Variants in UBE2W observed in about 807,000 individuals in gnomAD.
UBE2W encodes the protein ubiquitin-conjugating enzyme E2 W.
Under a neutral mutation model 27.2 loss-of-function variants are expected in UBE2W, and 18 were observed. The ratio of observed to expected loss-of-function variants is 0.66; its 90% confidence interval spans 0.46 to 0.98. UBE2W has a LOEUF of 0.98. Ranked by LOEUF, UBE2W falls within the 50% of genes least tolerant of loss-of-function variation. The pLI, the probability that UBE2W is intolerant of heterozygous loss-of-function variation, is 0.00. For synonymous variants in UBE2W, 53 were observed against 57.2 expected (o/e 0.93, Z 0.33); for missense variants, 90 against 180.2 (o/e 0.50, Z 2.87).
chr8:73,878,702 C>G, intron 1 of UBE2W, 106 bp downstream of exon 1: 1 of 1,087,454 alleles, frequency 9.2e-7, no homozygotes, highest in Non-Finnish European at 1.4e-6. Flanking sequence ...CGGACCGATC[C>G]CGAACCCGCC....
At chr8:73,870,498 GTTT>G (rs1178420512) in intron 1 of UBE2W, among the ~76,000 whole-genome samples, 1 of 151,970 alleles carries the variant, frequency 6.6e-6, no homozygotes, top group Non-Finnish European at 1.5e-5. Context: ...GAAATAACCT[GTTT>G]TTATCATCCC....
chr8:73,844,290 GGC>G (rs1810673940), intron 1 of UBE2W, among the ~76,000 whole-genome samples: 1 of 151,958 alleles, frequency 6.6e-6, no homozygotes, highest in Admixed American at 6.6e-5. Flanking sequence ...TGGGATTGCA[GGC>G]GCGCGCCGCC....
intron 5 of UBE2W, among the ~76,000 whole-genome samples, chr8:73,796,884 A>G (rs1181503075): frequency 1.5e-5 from 1 of 66,784 alleles, no homozygotes; most frequent in Non-Finnish European, 2.8e-5. Context: ...CCCCCAACCA[A>G]AAATAAATAA....
intron 3 of UBE2W, among the ~76,000 whole-genome samples, chr8:73,814,492 A>C (rs1407837665): frequency 6.6e-6 from 1 of 152,194 alleles, no homozygotes; most frequent in Non-Finnish European, 1.5e-5. Context: ...GACCGAATGT[A>C]CATGAATCAA....
In UBE2W at chr8:73,799,758, T is replaced by C. The variant is rs563003260; in HGVS notation, c.443-5643A>G. 5.3e-5 allele frequency among the ~76,000 whole-genome samples: 8 copies of C among 152,310 alleles called. No homozygotes were observed. The South Asian group carries it at 1.7e-3, about 32-fold the overall frequency. Reference sequence around the variant, plus strand: ...GAAACTGAAATGCTAAGTGTTTCAGTGAGTTTATCCAATTCTTAGTAAGCT... The same window carrying C: ...GAAACTGAAATGCTAAGTGTTTCAGCGAGTTTATCCAATTCTTAGTAAGCT... On this transcript the variant is annotated intron_variant, in intron 5 of 5. Transcript: ENST00000602593.
chr8:73,799,335 T>C (rs1375625285), intron 5 of UBE2W, among the ~76,000 whole-genome samples: 1 of 152,026 alleles, frequency 6.6e-6, no homozygotes, highest in Non-Finnish European at 1.5e-5. Context: ...TAACTAATAA[T>C]GTAGAAAACC....
intron 1 of UBE2W, chr8:73,870,354 T>C: frequency 6.5e-7 from 1 of 1,528,988 alleles, no homozygotes; most frequent in Admixed American, 2.0e-5. Context: ...AGGAAATCTA[T>C]TTTTTCCATT....
chr8:73,799,285 A>G (rs1808542812), intron 5 of UBE2W, among the ~76,000 whole-genome samples: 1 of 152,066 alleles, frequency 6.6e-6, no homozygotes, highest in Non-Finnish European at 1.5e-5. Context: ...AGACAATAAC[A>G]GTGGGGTAAA....
intron 1 of UBE2W, among the ~76,000 whole-genome samples, chr8:73,862,562 A>C (rs1432580817): frequency 2.0e-5 from 3 of 147,894 alleles, no homozygotes; most frequent in South Asian, 4.4e-4. Context: ...GCAACAAAAG[A>C]CAAAATTGAC....
chr8:73,792,573 C>T lies in UBE2W; in HGVS notation c.*1529G>A, dbSNP rs1413614285. On this transcript the variant is annotated 3_prime_UTR_variant, in exon 6 of 6. Transcript: ENST00000602593. Reference sequence around the variant, plus strand: ...TACGTATTTCAAACCTTTCAGCCAACTGGCTTTCAGTTTTAAGCCCAAATT... The same window carrying T: ...TACGTATTTCAAACCTTTCAGCCAATTGGCTTTCAGTTTTAAGCCCAAATT... The T allele has an allele frequency of 8.1e-6, 8 of 985,598 alleles. No homozygotes were observed. Among genetic ancestry groups the T allele is most frequent in the African/African-American group, 1.7e-5 (1 of 57,230 alleles). The allele number at this position is 985,598 out of a possible 1,614,324, so 61.1% of individuals were successfully genotyped here.
chr8:73,857,560 G>A (rs1563625183), intron 1 of UBE2W, among the ~76,000 whole-genome samples: 3 of 152,150 alleles, frequency 2.0e-5, no homozygotes, highest in South Asian at 2.1e-4. Context: ...GCTCACACCT[G>A]TAATCCCAGC....
chr8:73,876,403 A>G (rs1812223288), intron 1 of UBE2W, among the ~76,000 whole-genome samples: 2 of 152,200 alleles, frequency 1.3e-5, no homozygotes, highest in Admixed American at 6.5e-5. Flanking sequence ...CTTGACATAT[A>G]TATTAAAATA....
At chr8:73,828,918 G>A (rs952272288) in intron 2 of UBE2W, among the ~76,000 whole-genome samples, 20 of 151,474 alleles carry the variant, frequency 1.3e-4, no homozygotes, top group African/African-American at 4.9e-4. Flanking sequence ...CATCATCCTC[G>A]TTATGGATCT....
At chr8:73,784,634 C>A (rs753663710), downstream of UBE2W, among the ~76,000 whole-genome samples, 1 of 152,174 alleles carries the variant, frequency 6.6e-6, no homozygotes, top group African/African-American at 2.4e-5. Flanking sequence ...AGGGACCACA[C>A]CTTAATCCAA....
intron 1 of UBE2W, among the ~76,000 whole-genome samples, chr8:73,861,582 C>T (rs897995636): frequency 1.3e-5 from 2 of 152,054 alleles, no homozygotes; most frequent in South Asian, 2.1e-4. Flanking sequence ...TGCTGAGATC[C>T]CAGGCATGAG....
At chr8:73,842,899 G>A (rs568061818) in intron 1 of UBE2W, among the ~76,000 whole-genome samples, 39 of 152,246 alleles carry the variant, frequency 2.6e-4, no homozygotes, top group Middle Eastern at 3.4e-3. Context: ...ATTCATAGCA[G>A]CATTATTCAT....
intron 5 of UBE2W, among the ~76,000 whole-genome samples, 179 bp downstream of exon 5, chr8:73,805,472 C>CAAAAAAAAAAAAAAAACAAACAAAAA: frequency 1.1e-3 from 48 of 43,686 alleles, no homozygotes; most frequent in African/African-American, 1.5e-3. Context: ...AAAAAAAAAA[C>CAAAAAAAAAAAAAAAACAAACAAAAA]AAAAAAAACT....
chr8:73,808,724 T>A (rs1032738338), intron 4 of UBE2W, among the ~76,000 whole-genome samples: 1 of 152,188 alleles, frequency 6.6e-6, no homozygotes. Context: ...TGTATTATCA[T>A]CTTGGTTAAA....
chr8:73,810,727 A>G, intron 3 of UBE2W, 98 bp from the exon 4 acceptor site: 1 of 944,964 alleles, frequency 1.1e-6, no homozygotes, highest in Non-Finnish European at 1.5e-6. Flanking sequence ...TAAAAAAACA[A>G]AAAACCACCA....
Sources: allele counts gnomAD v4.1 joint callset (sites outside exome capture counted in the v4.1 genomes callset), GRCh38; gene constraint gnomAD v4.1.1; transcripts MANE v1.5; gene names NCBI Gene and HGNC (gene_info 2026-07-23, HGNC 2026-07-21).